Variants in RIPOR2 observed in about 807,000 individuals in gnomAD.
The protein encoded by RIPOR2 is RHO family interacting cell polarization regulator 2.
Under a neutral mutation model 114.5 loss-of-function variants are expected in RIPOR2, and 39 were observed. The ratio of observed to expected loss-of-function variants is 0.34; its 90% CI spans 0.26 to 0.44. The LOEUF (loss-of-function observed/expected upper bound fraction) is 0.44, where lower values mean the gene tolerates loss of function less well. RIPOR2 is among the 20% of genes least tolerant of loss of function. The pLI is 1.00. For missense variants in RIPOR2, 1,007 were observed against 1,255.1 expected (o/e 0.80, Z 2.99); for synonymous variants, 445 against 484.4 (o/e 0.92, Z 1.07).
chr6:24,864,118 G>T (rs1009092945), intron 7 of RIPOR2, among the ~76,000 whole-genome samples: 5 of 152,050 alleles, frequency 3.3e-5, no homozygotes, highest in Admixed American at 2.6e-4. Flanking sequence ...CCTGGCCAAC[G>T]TATAGTAAAA....
At chr6:24,992,971 A>T (rs1774890635) in intron 1 of RIPOR2, among the ~76,000 whole-genome samples, 2 of 152,224 alleles carry the variant, frequency 1.3e-5, no homozygotes, top group Non-Finnish European at 2.9e-5. Flanking sequence ...CCTTTATTGT[A>T]AAACATCTGC....
At chr6:24,895,134 C>A (rs1363898073) in intron 1 of RIPOR2, among the ~76,000 whole-genome samples, 2 of 152,064 alleles carry the variant, frequency 1.3e-5, no homozygotes, top group African/African-American at 4.8e-5. Flanking sequence ...GTCACTGCAA[C>A]CTCCGCCTTC....
At position 24,865,358 on chromosome 6, in the gene RIPOR2, G is replaced by T; in HGVS notation, c.594C>A (p.Ser198Arg). Residue 198 changes from serine (S) to arginine (R), a missense_variant, in exon 7 of 22, where the codon AGC becomes AGA. Coordinates refer to ENST00000643898, the MANE Select transcript of RIPOR2 (RefSeq NM_001286445.3). ...CTGTCAGACTCTCCCGGGCAGCTTTGCTGGCAGGGGATGTTGCGAAGGCTT... is the reference window on the plus strand; with the variant it reads ...CTGTCAGACTCTCCCGGGCAGCTTTTCTGGCAGGGGATGTTGCGAAGGCTT... ...MKQAFATSPA[S>R]KAARESLTEI... 1 of 1,613,640 alleles carries T rather than the reference G, an allele frequency of 6.2e-7. No homozygotes were observed. The highest frequency in any genetic ancestry group is 1.1e-5 in the South Asian group (1 of 90,982).
chr6:24,976,506 A>T, intron 1 of RIPOR2: 1 of 1,581,288 alleles, frequency 6.3e-7, no homozygotes, highest in Non-Finnish European at 8.7e-7. Flanking sequence ...CCTGGAAACC[A>T]AGAAGTGACT....
intron 21 of RIPOR2, among the ~76,000 whole-genome samples, chr6:24,806,997 G>A (rs1780812826): frequency 6.6e-6 from 1 of 152,142 alleles, no homozygotes; most frequent in Non-Finnish European, 1.5e-5. Flanking sequence ...AGTTTTGTCC[G>A]TAACGCCACC....
At chr6:24,875,587 G>T in intron 2 of RIPOR2, 104 bp downstream of exon 2, 1 of 1,057,276 alleles carries the variant, frequency 9.5e-7, no homozygotes, top group Non-Finnish European at 1.4e-6. Flanking sequence ...GGAGGAGGCC[G>T]GGGGGCGGTT....
At position 24,915,354 on chromosome 6, in the gene RIPOR2, C is replaced by CT. The variant is rs571125440; in HGVS notation, c.61+20483dup. On this transcript the variant is annotated intron_variant, in intron 1 of 21. Coordinates refer to ENST00000643898, the MANE Select transcript of RIPOR2 (RefSeq NM_001286445.3). ...ACCAATCTTTCTCCCTCTGTCTGTA[C>CT]TTTTTTTTTTTTTTTTTTGAGATGG... is the stretch of plus-strand genomic sequence containing the variant. 8.5e-3 allele frequency among the ~76,000 whole-genome samples: 1,136 copies of CT among 132,880 alleles called. 11 individuals carry two copies. The highest frequency in any genetic ancestry group is 0.016 in the Middle Eastern group (4 of 258). 87.2% of individuals were successfully genotyped at this position (132,880 alleles called of 152,430 possible). A position where few individuals can be genotyped will look rare whatever the true frequency, so the allele number is the denominator to read the frequency against.
chr6:24,836,254 C>T (rs1761098147), intron 14 of RIPOR2, among the ~76,000 whole-genome samples: 1 of 152,242 alleles, frequency 6.6e-6, no homozygotes, highest in Non-Finnish European at 1.5e-5. Context: ...TGTGGTTTCC[C>T]AAAGGCAATA....
intron 1 of RIPOR2, among the ~76,000 whole-genome samples, chr6:25,038,513 G>C (rs1489198591): frequency 6.6e-6 from 1 of 152,242 alleles, no homozygotes; most frequent in Non-Finnish European, 1.5e-5. Flanking sequence ...AGCAGCAAAA[G>C]ACCCTTGTTG....
intron 1 of RIPOR2, among the ~76,000 whole-genome samples, chr6:24,911,692 TAGAC>T (rs1255987891): frequency 4.6e-5 from 7 of 152,194 alleles, no homozygotes; most frequent in African/African-American, 1.7e-4. Context: ...GTCTGCCTGA[TAGAC>T]AGACATTCCC....
At chr6:24,914,404 A>G (rs1769910833) in intron 1 of RIPOR2, among the ~76,000 whole-genome samples, 2 of 152,168 alleles carry the variant, frequency 1.3e-5, no homozygotes, top group African/African-American at 4.8e-5. Context: ...TTCAAGAAGT[A>G]ATTGAGTGCA....
At chr6:24,940,339 G>A (rs959856833), upstream of RIPOR2, among the ~76,000 whole-genome samples, 10 of 152,212 alleles carry the variant, frequency 6.6e-5, no homozygotes, top group South Asian at 1.2e-3. Context: ...TGTGCTTCTG[G>A]AGAATTTCCC....
At chr6:24,860,841 T>C in intron 8 of RIPOR2, 132 bp downstream of exon 8, 1 of 595,968 alleles carries the variant, frequency 1.7e-6, no homozygotes, top group South Asian at 2.1e-5. Context: ...CTATCAAAAG[T>C]GGGGTGGGTT....
chr6:24,810,098 GT>G (rs1446297692), intron 20 of RIPOR2, among the ~76,000 whole-genome samples: 2 of 152,126 alleles, frequency 1.3e-5, no homozygotes, highest in Non-Finnish European at 2.9e-5. Context: ...TCCTAATGTG[GT>G]GGGATTACAG....
At chr6:25,024,608 T>C (rs1776516653) in intron 1 of RIPOR2, 3 of 462,352 alleles carry the variant, frequency 6.5e-6, no homozygotes, top group Admixed American at 6.5e-5. Flanking sequence ...TTTTTAACCA[T>C]TGTTAAAGGT....
chr6:24,830,204 G>C (rs936819279), intron 17 of RIPOR2, among the ~76,000 whole-genome samples: 23 of 152,142 alleles, frequency 1.5e-4, no homozygotes, highest in African/African-American at 5.1e-4. Context: ...GACCTCAGGT[G>C]ATCCACCTGT....
At chr6:24,826,494 A>T (rs1760198137) in intron 18 of RIPOR2, among the ~76,000 whole-genome samples, 1 of 148,284 alleles carries the variant, frequency 6.7e-6, no homozygotes, top group Non-Finnish European at 1.5e-5. Flanking sequence ...ATTTATTTAG[A>T]TTTTTTTTTT....
chr6:24,882,607 T>G (rs982280276), intron 1 of RIPOR2, among the ~76,000 whole-genome samples: 9 of 152,178 alleles, frequency 5.9e-5, no homozygotes, highest in Admixed American at 5.9e-4. Context: ...AAGGAGGCAG[T>G]GTAGGGAGAA....
intron 1 of RIPOR2, among the ~76,000 whole-genome samples, chr6:24,876,258 C>G (rs1408574882): frequency 6.6e-6 from 1 of 151,934 alleles, no homozygotes; most frequent in Non-Finnish European, 1.5e-5. Flanking sequence ...CCACTACACT[C>G]CAGCCTGGGC....
Sources: gnomAD v4.1 joint callset for allele counts (sites outside exome capture counted in the v4.1 genomes callset) on GRCh38, gnomAD v4.1.1 for gene constraint, MANE v1.5 for transcripts, NCBI Gene and HGNC (gene_info 2026-07-23, HGNC 2026-07-21) for gene names.